The following DHX34 variants were observed in gnomAD, a reference collection of about 807,000 sequenced individuals.
DHX34 encodes probable ATP-dependent RNA helicase DHX34.
A neutral mutation model predicts 111.1 loss-of-function variants in DHX34; 96 were observed. That is an observed-to-expected ratio of 0.86 (90% confidence interval 0.73 to 1.02). The LOEUF (loss-of-function observed/expected upper bound fraction) is 1.02. DHX34 is among the 50% of genes least tolerant of loss of function. The pLI is 0.00. For missense variants in DHX34, 1,560 were observed against 1,579.9 expected (o/e 0.99, Z 0.21); for synonymous variants, 688 against 670.4 (o/e 1.03, Z -0.41).
rs764768164 is a variant in DHX34 at position 47,381,309 on chromosome 19, C to A, written c.3283C>A (p.Gln1095Lys). 4 of 1,613,596 alleles carry A rather than the reference C, an allele frequency of 2.5e-6. No homozygotes were observed. Among genetic ancestry groups the A allele is most frequent in the Non-Finnish European group, 3.4e-6 (4 of 1,179,778 alleles). The change falls in exon 16 of 17, where the codon CAG becomes AAG. Residue 1095 changes from glutamine (Q) to lysine (K), a missense_variant. By Grantham distance (53) the Gln-to-Lys change is moderately conservative. Coordinates refer to ENST00000328771, the MANE Select transcript of DHX34 (RefSeq NM_014681.6). The part of the protein sequence containing the change: ...AHENTCPQAP[Q>K]DGPPGAEEAA... ...TGAGAACACCTGCCCCCAGGCCCCA[C>A]AGGATGGGCCCCCAGGTAAGCACAG...
intron 2 of DHX34, among the ~76,000 whole-genome samples, chr19:47,354,302 C>T (rs1161519127): frequency 6.6e-6 from 1 of 152,100 alleles, no homozygotes; most frequent in African/African-American, 2.4e-5. Context: ...TGCAAACTGC[C>T]ATCTTGGAAG....
chr19:47,358,076 G>A lies in DHX34; in HGVS notation c.1228G>A (p.Val410Ile). The stretch of plus-strand genomic sequence containing the variant: ...TGCCAGCCACACCCAGCGCTGGGTG[G>A]TACTGCCACTGCACAGCGCCCTGTC... ...TYASHTQRWV[V>I]LPLHSALSVA... is the part of the protein sequence containing the mutation. Residue 410 changes from valine to isoleucine, a missense_variant, in exon 4 of 17, where the codon GTA (valine) becomes ATA (isoleucine). Physicochemically the swap from Val to Ile is conservative, Grantham distance 29. Coordinates refer to ENST00000328771, the MANE Select transcript of DHX34 (RefSeq NM_014681.6). 1 of 1,612,524 alleles carries A rather than the reference G, an allele frequency of 6.2e-7. No homozygotes were observed. Among genetic ancestry groups the A allele is most frequent in the Non-Finnish European group, 8.5e-7 (1 of 1,179,324 alleles).
At chr19:47,378,872 A>G (rs1422838663) in intron 13 of DHX34, among the ~76,000 whole-genome samples, 1 of 151,954 alleles carries the variant, frequency 6.6e-6, no homozygotes, top group Non-Finnish European at 1.5e-5. Flanking sequence ...GCTCACGCCT[A>G]TAATCCCGGC....
chr19:47,358,258 G>A (rs1969521452), intron 4 of DHX34, 138 bp downstream of exon 4: 2 of 1,430,848 alleles, frequency 1.4e-6, no homozygotes, highest in African/African-American at 1.4e-5. Flanking sequence ...TAGTGGCAGA[G>A]CCAGGCTGCG....
At chr19:47,378,126 G>A (rs977746223) in intron 13 of DHX34, among the ~76,000 whole-genome samples, 25 of 152,250 alleles carry the variant, frequency 1.6e-4, no homozygotes, top group African/African-American at 4.1e-4. Flanking sequence ...AGCACTCCCC[G>A]GCTTGGGTCC....
chr19:47,350,057 G>A (rs1969238697), intron 1 of DHX34, among the ~76,000 whole-genome samples: 1 of 152,118 alleles, frequency 6.6e-6, no homozygotes, highest in African/African-American at 2.4e-5. Context: ...GTGTGTGTAT[G>A]TACATAGGTG....
chr19:47,353,659 C>G lies in DHX34; in HGVS notation c.629C>G (p.Thr210Ser). 1 of 1,613,038 alleles carries G rather than the reference C, an allele frequency of 6.2e-7. No homozygotes were observed. Among genetic ancestry groups the G allele is most frequent in the Non-Finnish European group, 8.5e-7 (1 of 1,179,802 alleles). Residue 210 changes from threonine to serine, a missense_variant, in exon 2 of 17, where the codon ACC becomes AGC. Thr to Ser is a moderately conservative substitution (Grantham distance 58). Transcript: ENST00000328771. The surrounding 1 kb of genome is among the most constrained non-coding windows in gnomAD (Gnocchi z 4.6). ...LAAGFSHVAC[T>S]QPRRIACISL... ...GCTGGCTTCAGTCATGTGGCGTGCA[C>G]CCAGCCCCGGCGGATCGCCTGCATC...
intron 7 of DHX34, among the ~76,000 whole-genome samples, chr19:47,372,320 C>G (rs1049585209): frequency 6.6e-6 from 1 of 152,052 alleles, no homozygotes; most frequent in African/African-American, 2.4e-5. Flanking sequence ...AGGTGACACT[C>G]TAGCGCGGAG....
intron 12 of DHX34, 37 bp downstream of exon 12, chr19:47,376,597 G>T (rs759074159): frequency 1.4e-5 from 22 of 1,544,884 alleles, no homozygotes; most frequent in Non-Finnish European, 1.9e-5. Flanking sequence ...CCCCATCCGG[G>T]ATGTGAGGGG....
intron 6 of DHX34, 99 bp downstream of exon 6, chr19:47,362,792 A>C: frequency 1.7e-6 from 2 of 1,150,298 alleles, no homozygotes; most frequent in African/African-American, 1.6e-5. Flanking sequence ...TTATTTTGAG[A>C]TAGCGTCTTG....
At chr19:47,364,625 C>A (rs777452796) in intron 6 of DHX34, among the ~76,000 whole-genome samples, 5 of 151,850 alleles carry the variant, frequency 3.3e-5, no homozygotes, top group South Asian at 4.2e-4. Context: ...ACCTGTGGTC[C>A]CACGCAGGAG....
At chr19:47,378,519 G>C (rs918666570) in intron 13 of DHX34, among the ~76,000 whole-genome samples, 4 of 152,132 alleles carry the variant, frequency 2.6e-5, no homozygotes, top group Admixed American at 6.5e-5. Context: ...TACCTGAGGC[G>C]CTCTCTCCCT....
Position 47,373,652 on chromosome 19 carries a change from A to T in DHX34, c.2016A>T (p.Ile672=), listed in dbSNP as rs1465416601. The change falls in exon 9 of 17, where the codon ATA becomes ATT. Residue 672 remains isoleucine (I), a synonymous_variant. Transcript: ENST00000328771. ...GCAAGTGGTGCCGCCGCCGGGGCAT[A>T]GAGGAGCATCGACTGTACGAAATGG... The part of the protein sequence containing the change: ...NSRKWCRRRG[I]EEHRLYEMAN... 1 of 1,614,082 alleles carries T rather than the reference A, an allele frequency of 6.2e-7. No individual in the cohort carries two copies. The highest frequency in any genetic ancestry group is 8.5e-7 in the Non-Finnish European group (1 of 1,180,002).
chr19:47,355,615 G>A (rs1189925621), intron 3 of DHX34, among the ~76,000 whole-genome samples: 13 of 152,054 alleles, frequency 8.5e-5, no homozygotes, highest in Non-Finnish European at 1.6e-4. Flanking sequence ...TTGGGAGGCC[G>A]AGGTGGGTGG....
At chr19:47,376,823 GC>G (rs1272740228) in intron 12 of DHX34, 7 of 1,526,874 alleles carry the variant, frequency 4.6e-6, no homozygotes. Context: ...CGGTCAGGGG[GC>G]CTGTCCTATG....
intron 16 of DHX34, 177 bp downstream of exon 16, chr19:47,381,501 G>A: frequency 1.1e-6 from 1 of 896,148 alleles, no homozygotes; most frequent in Non-Finnish European, 1.6e-6. Context: ...CCAAGGCAGG[G>A]AGAGCCTGGA....
intron 5 of DHX34, among the ~76,000 whole-genome samples, chr19:47,361,107 TG>T (rs1298895519): frequency 6.6e-6 from 1 of 152,216 alleles, no homozygotes; most frequent in Non-Finnish European, 1.5e-5. Context: ...GCTGTGTGGC[TG>T]GGGTCATGTG....
chr19:47,380,537 C>G (rs562689070), intron 14 of DHX34, among the ~76,000 whole-genome samples: 1 of 149,608 alleles, frequency 6.7e-6, no homozygotes, highest in South Asian at 2.1e-4. Flanking sequence ...GGGAGGTGGC[C>G]AGACTTGAAG....
At chr19:47,366,920 C>G (rs1008025901) in intron 6 of DHX34, 61 bp from the exon 7 acceptor site, 1 of 1,448,232 alleles carries the variant, frequency 6.9e-7, no homozygotes. Context: ...CTCTGAGCCC[C>G]GCTGTGCTGC....
Sources: gnomAD v4.1 joint callset for allele counts (sites outside exome capture counted in the v4.1 genomes callset) on GRCh38, gnomAD v4.1.1 for gene constraint, Gnocchi (gnomAD v3.1) non-coding constraint, MANE v1.5 for transcripts, NCBI Gene and HGNC (gene_info 2026-07-23, HGNC 2026-07-21) for gene names.